Variants in COBLL1 observed in about 807,000 individuals in gnomAD.
COBLL1 encodes cordon-bleu protein-like 1.
Under a neutral mutation model 94.8 loss-of-function variants are expected in COBLL1, and 50 were observed. The ratio of observed to expected loss-of-function variants is 0.53; its 90% CI spans 0.42 to 0.67. The LOEUF (loss-of-function observed/expected upper bound fraction) is 0.67, where lower values mean the gene tolerates loss of function less well. Ranked by LOEUF, COBLL1 falls within the 30% of genes least tolerant of loss-of-function variation. The pLI is 0.00. For missense variants in COBLL1, 1,362 were observed against 1,348.7 expected (o/e 1.01, Z -0.15); for synonymous variants, 448 against 473.8 (o/e 0.95, Z 0.71).
At chr2:164,702,049 T>G (rs1684305390) in intron 9 of COBLL1, among the ~76,000 whole-genome samples, 2 of 152,242 alleles carry the variant, frequency 1.3e-5, no homozygotes, top group South Asian at 4.1e-4. Flanking sequence ...CAGAAAAGTG[T>G]GCTATTTGTG....
At chr2:164,764,864 C>T (rs986457108) in intron 2 of COBLL1, among the ~76,000 whole-genome samples, 2 of 152,174 alleles carry the variant, frequency 1.3e-5, no homozygotes, top group Non-Finnish European at 2.9e-5. Context: ...TAAGGTAGGA[C>T]ATCTCTTAGT....
intron 2 of COBLL1, among the ~76,000 whole-genome samples, chr2:164,793,564 T>C (rs1314582158): frequency 6.6e-6 from 1 of 152,242 alleles, no homozygotes; most frequent in African/African-American, 2.4e-5. Context: ...TAGTTCCTTT[T>C]TGCTATCTTC....
intron 2 of COBLL1, among the ~76,000 whole-genome samples, chr2:164,754,651 C>T (rs1291737781): frequency 6.6e-6 from 1 of 152,206 alleles, no homozygotes; most frequent in Non-Finnish European, 1.5e-5. Flanking sequence ...GGTGATTTGA[C>T]GTACTCGCTG....
intron 2 of COBLL1, among the ~76,000 whole-genome samples, chr2:164,805,474 A>C (rs1401991114): frequency 6.7e-6 from 1 of 149,646 alleles, no homozygotes; most frequent in African/African-American, 2.5e-5. Context: ...TACCGCCCTA[A>C]AAATCCCATG....
chr2:164,677,825 T>C (rs1016364502), downstream of COBLL1, among the ~76,000 whole-genome samples: 1 of 152,116 alleles, frequency 6.6e-6, no homozygotes, highest in Non-Finnish European at 1.5e-5. Context: ...TATATGCAAA[T>C]GTTAGATATT....
chr2:164,727,204 T>A, intron 5 of COBLL1: 2 of 937,604 alleles, frequency 2.1e-6, no homozygotes, highest in South Asian at 1.8e-5. Flanking sequence ...TTTGTTCAAG[T>A]ATAAAACATC....
intron 2 of COBLL1, among the ~76,000 whole-genome samples, chr2:164,834,459 A>G (rs1296181267): frequency 1.3e-5 from 2 of 152,238 alleles, no homozygotes; most frequent in African/African-American, 2.4e-5. Flanking sequence ...CCATTCTGCA[A>G]AATCCCCTAG....
chr2:164,699,797 A>G (rs565102313), intron 10 of COBLL1, among the ~76,000 whole-genome samples: 2 of 152,182 alleles, frequency 1.3e-5, no homozygotes, highest in South Asian at 4.1e-4. Context: ...ATTATCATTT[A>G]TTTGCCTTTT....
At chr2:164,716,977 A>C (rs143097587) in intron 7 of COBLL1, among the ~76,000 whole-genome samples, 1 of 152,186 alleles carries the variant, frequency 6.6e-6, no homozygotes, top group African/African-American at 2.4e-5. Context: ...CTCTTAAAAG[A>C]ACAAGAAAAT....
chr2:164,791,008 C>T (rs920968217), intron 2 of COBLL1, among the ~76,000 whole-genome samples: 2 of 152,150 alleles, frequency 1.3e-5, no homozygotes, highest in African/African-American at 4.8e-5. Context: ...GTAAAGTCTG[C>T]ATCTAAATTA....
intron 2 of COBLL1, among the ~76,000 whole-genome samples, chr2:164,785,755 G>A (rs560577015): frequency 6.6e-6 from 1 of 151,708 alleles, no homozygotes; most frequent in Non-Finnish European, 1.5e-5. Flanking sequence ...GTTTTCAGTG[G>A]TATTTGAGTC....
downstream of COBLL1, among the ~76,000 whole-genome samples, chr2:164,677,138 G>T (rs891050855): frequency 2.0e-5 from 3 of 152,028 alleles, no homozygotes; most frequent in African/African-American, 7.2e-5. Context: ...TTATAAGAAG[G>T]TTATAATTTT....
chr2:164,824,349 C>A (rs1685329664), intron 2 of COBLL1, among the ~76,000 whole-genome samples: 1 of 151,242 alleles, frequency 6.6e-6, no homozygotes, highest in Non-Finnish European at 1.5e-5. Context: ...CCATTGCACT[C>A]CAGCCTGGGC....
intron 2 of COBLL1, among the ~76,000 whole-genome samples, chr2:164,767,136 G>T (rs1220981361): frequency 6.6e-6 from 1 of 152,184 alleles, no homozygotes; most frequent in East Asian, 1.9e-4. Context: ...AGAGAGGGAT[G>T]GAATTCTACT....
chr2:164,813,191 C>T (rs532704187), intron 2 of COBLL1, among the ~76,000 whole-genome samples: 1 of 152,184 alleles, frequency 6.6e-6, no homozygotes, highest in African/African-American at 2.4e-5. Context: ...TCAGTTCCTA[C>T]TTTAAGTATT....
intron 7 of COBLL1, among the ~76,000 whole-genome samples, chr2:164,719,591 C>T (rs532882440): frequency 6.6e-5 from 10 of 152,290 alleles, no homozygotes; most frequent in South Asian, 6.2e-4. Flanking sequence ...TGTCTTCACA[C>T]GACCTTCTCT....
At chr2:164,717,929 T>G (rs527652629) in intron 7 of COBLL1, among the ~76,000 whole-genome samples, 1 of 152,228 alleles carries the variant, frequency 6.6e-6, no homozygotes, top group Non-Finnish European at 1.5e-5. Flanking sequence ...CAGTATAGTT[T>G]AGTTGGACCT....
At chr2:164,833,913 A>G (rs1683203193) in intron 2 of COBLL1, among the ~76,000 whole-genome samples, 1 of 152,236 alleles carries the variant, frequency 6.6e-6, no homozygotes, top group African/African-American at 2.4e-5. Flanking sequence ...ATTTTTCTAA[A>G]GACTAGCCAA....
chr2:164,783,692 C>A lies in COBLL1; in HGVS notation c.42-39817G>T, dbSNP rs934603976. ...AGTTAAAACCATCACACTGGCCAGG[C>A]GCAGTGATTCATGCCTATAAATCCC... On this transcript the variant is annotated intron_variant, in intron 2 of 13. Coordinates refer to ENST00000652658, the MANE Select transcript of COBLL1 (RefSeq NM_001365672.2). 2.0e-5 allele frequency among the ~76,000 whole-genome samples: 3 copies of A among 151,720 alleles called. No individual in the cohort carries two copies. In the South Asian group the frequency reaches 6.2e-4, roughly 31 times the overall value.
Sources: allele counts gnomAD v4.1 joint callset (sites outside exome capture counted in the v4.1 genomes callset), GRCh38; gene constraint gnomAD v4.1.1; transcripts MANE v1.5; gene names NCBI Gene and HGNC (gene_info 2026-07-23, HGNC 2026-07-21).